The following MCC variants were observed in gnomAD, a reference collection of about 807,000 sequenced individuals.
MCC encodes MCC regulator of Wnt signaling pathway.
In MCC, 90 loss-of-function variants were observed where a neutral mutation model predicts 116.2. The observed-to-expected ratio is 0.77, with a 90% CI of 0.65 to 0.92. The LOEUF is 0.92. Among genes scored for constraint, MCC ranks in the 40% least tolerant of loss-of-function variants. The probability of loss-of-function intolerance (pLI) is 0.00; values close to 1 mark genes in which losing one functional copy is unlikely to be tolerated. For synonymous variants in MCC, 578 were observed against 510.5 expected, an observed-to-expected ratio of 1.13 and a Z score of -1.78; for missense variants, 1,516 against 1,312.2, an observed-to-expected ratio of 1.16 and a Z score of -2.40.
chr5:113,121,389 T>G (rs1222154105), intron 6 of MCC, among the ~76,000 whole-genome samples: 1 of 152,210 alleles, frequency 6.6e-6, no homozygotes, highest in Non-Finnish European at 1.5e-5. Flanking sequence ...CTGCATGGCC[T>G]AGTTCCTGCC....
At chr5:113,198,337 T>C (rs1762516355) in intron 3 of MCC, among the ~76,000 whole-genome samples, 1 of 152,114 alleles carries the variant, frequency 6.6e-6, no homozygotes, top group Non-Finnish European at 1.5e-5. Context: ...TAAATGAGCC[T>C]GGGATAACTT....
intron 3 of MCC, among the ~76,000 whole-genome samples, chr5:113,292,683 C>T (rs998029715): frequency 6.6e-6 from 1 of 152,190 alleles, no homozygotes; most frequent in African/African-American, 2.4e-5. Flanking sequence ...ACATCTCTTC[C>T]TTCACTCAGG....
At chr5:113,365,044 C>T (rs1768652540) in intron 2 of MCC, among the ~76,000 whole-genome samples, 2 of 152,224 alleles carry the variant, frequency 1.3e-5, no homozygotes, top group African/African-American at 4.8e-5. Context: ...GCACTTGGCT[C>T]TTCTACTTAC....
intron 3 of MCC, among the ~76,000 whole-genome samples, chr5:113,163,275 T>C (rs145126001): frequency 2.0e-5 from 3 of 152,162 alleles, no homozygotes; most frequent in African/African-American, 7.2e-5. Context: ...CACACAAAGG[T>C]CATCTATTCA....
chr5:113,210,603 T>C (rs1763098986), intron 3 of MCC, among the ~76,000 whole-genome samples: 1 of 152,116 alleles, frequency 6.6e-6, no homozygotes, highest in South Asian at 2.1e-4. Context: ...AAGAGGATGT[T>C]TGGGGGAAAC....
Position 113,434,288 on chromosome 5 carries a change from T to C in MCC, c.171-49076A>G, listed in dbSNP as rs1192232479. Reference sequence around the variant, plus strand: ...GGTAGGGAATGCCCTGCAGCACCTCTGGGGCCGCATACGCTGGTGACCCAC... The same window carrying C: ...GGTAGGGAATGCCCTGCAGCACCTCCGGGGCCGCATACGCTGGTGACCCAC... On this transcript the variant is annotated intron_variant, in intron 1 of 18. Transcript: ENST00000408903. The surrounding 1 kb of genome is among the most constrained non-coding windows in gnomAD (Gnocchi z 4.2). 6.2e-7 allele frequency: 1 copy of C among 1,614,146 alleles called. No homozygotes were observed. The highest frequency in any genetic ancestry group is 2.2e-5 in the East Asian group (1 of 44,872).
intron 3 of MCC, 43 bp from the exon 4 acceptor site, chr5:113,151,465 A>T: frequency 9.1e-7 from 1 of 1,096,422 alleles, no homozygotes; most frequent in Non-Finnish European, 1.4e-6. Context: ...TGTAGCAGAG[A>T]TGTATTTCCT....
intron 3 of MCC, among the ~76,000 whole-genome samples, chr5:113,168,696 GC>G (rs1363652990): frequency 6.6e-5 from 10 of 152,104 alleles, no homozygotes. Context: ...AAGCAACTGT[GC>G]TTTTTTGCCA....
intron 1 of MCC, among the ~76,000 whole-genome samples, chr5:113,385,646 A>AT (rs1024845943): frequency 3.3e-5 from 5 of 152,216 alleles, no homozygotes; most frequent in Non-Finnish European, 4.4e-5. Flanking sequence ...ACCAACAGAG[A>AT]TTTTAACAAG....
chr5:113,237,684 T>A (rs1764183736), intron 3 of MCC, among the ~76,000 whole-genome samples: 1 of 152,194 alleles, frequency 6.6e-6, no homozygotes, highest in Non-Finnish European at 1.5e-5. Context: ...GAAATTATAT[T>A]TGAAAAATAA....
At chr5:113,330,212 C>T (rs7735247) in intron 3 of MCC, among the ~76,000 whole-genome samples, 83,317 of 152,104 alleles carry the variant, frequency 0.55, 24,553 homozygotes, top group African/African-American at 0.76. Context: ...TAAATGCTGC[C>T]GCCCATGTAA....
intron 2 of MCC, among the ~76,000 whole-genome samples, chr5:113,341,250 G>A (rs1768003444): frequency 6.7e-6 from 1 of 149,430 alleles, no homozygotes; most frequent in African/African-American, 2.5e-5. Context: ...CTTTTTTTGA[G>A]GCAGGGTCTT....
chr5:113,226,362 A>G (rs115015161), intron 3 of MCC, among the ~76,000 whole-genome samples: 1 of 152,384 alleles, frequency 6.6e-6, no homozygotes, highest in African/African-American at 2.4e-5. Context: ...ATGATGGAGA[A>G]AAATGAGATG....
chr5:113,093,975 T>C (rs899028663), intron 8 of MCC, among the ~76,000 whole-genome samples: 15 of 152,204 alleles, frequency 9.9e-5, no homozygotes, highest in Admixed American at 9.2e-4. Flanking sequence ...CACTATAGAA[T>C]GGTGAGAATC....
chr5:113,211,339 T>C (rs1763128326), intron 3 of MCC, among the ~76,000 whole-genome samples: 1 of 152,182 alleles, frequency 6.6e-6, no homozygotes, highest in South Asian at 2.1e-4. Context: ...GTGAGAAATG[T>C]CTATTGTTTA....
chr5:113,148,736 T>A (rs1759672585), intron 4 of MCC, among the ~76,000 whole-genome samples: 1 of 152,194 alleles, frequency 6.6e-6, no homozygotes, highest in Non-Finnish European at 1.5e-5. Context: ...TTTTTTTTCA[T>A]GTTCTCTTTC....
At chr5:113,030,229 T>C (rs755646811) in intron 17 of MCC, among the ~76,000 whole-genome samples, 3 of 152,196 alleles carry the variant, frequency 2.0e-5, no homozygotes, top group Non-Finnish European at 2.9e-5. Context: ...TTTACAGAGA[T>C]ATCAGGAGCA....
intron 1 of MCC, among the ~76,000 whole-genome samples, chr5:113,470,588 G>C (rs1438627975): frequency 2.2e-4 from 33 of 152,130 alleles, no homozygotes; most frequent in Non-Finnish European, 1.0e-4. Flanking sequence ...TGGGTAACCT[G>C]ACCTTTCCCT....
chr5:113,196,014 C>A (rs1283671947), intron 3 of MCC, among the ~76,000 whole-genome samples: 1 of 152,196 alleles, frequency 6.6e-6, no homozygotes, highest in Non-Finnish European at 1.5e-5. Context: ...TGCCAAATGA[C>A]CTCATGCATG....
Sources: gnomAD v4.1 joint callset for allele counts (sites outside exome capture counted in the v4.1 genomes callset) on GRCh38, gnomAD v4.1.1 for gene constraint, Gnocchi (gnomAD v3.1) non-coding constraint, MANE v1.5 for transcripts, NCBI Gene and HGNC (gene_info 2026-07-23, HGNC 2026-07-21) for gene names.